Variants in SND1 observed in about 807,000 individuals in gnomAD.
The protein encoded by SND1 is staphylococcal nuclease and tudor domain containing 1, also known as staphylococcal nuclease domain-containing protein 1.
In SND1, 38 loss-of-function variants were observed where a neutral mutation model predicts 121.7. That is an observed-to-expected ratio of 0.31 (90% CI 0.24 to 0.41). SND1 has a LOEUF of 0.41. SND1 is among the 10% of genes least tolerant of loss of function. SND1 has a pLI of 1.00. For synonymous variants in SND1, 401 were observed against 447.4 expected (o/e 0.90, Z 1.31); for missense variants, 868 against 1,184.6 (o/e 0.73, Z 3.92).
At chr7:128,024,963 G>A (rs1008197611) in intron 16 of SND1, among the ~76,000 whole-genome samples, 5 of 152,264 alleles carry the variant, frequency 3.3e-5, no homozygotes, top group African/African-American at 1.2e-4. Context: ...CCAAGGCTGG[G>A]AGGAGGCCAA....
At chr7:128,083,137 T>C (rs914698889) in intron 18 of SND1, among the ~76,000 whole-genome samples, 14 of 152,220 alleles carry the variant, frequency 9.2e-5, no homozygotes, top group African/African-American at 2.7e-4. Context: ...CCTCTCACCC[T>C]GTCTCCCTTC....
intron 15 of SND1, among the ~76,000 whole-genome samples, chr7:127,952,072 G>T (rs2116856004): frequency 6.6e-6 from 1 of 152,210 alleles, no homozygotes; most frequent in East Asian, 1.9e-4. Flanking sequence ...ATTTAGTGGA[G>T]GCTTTCTCCA....
intron 11 of SND1, among the ~76,000 whole-genome samples, chr7:127,842,485 C>T (rs923504665): frequency 6.6e-6 from 1 of 152,138 alleles, no homozygotes; most frequent in African/African-American, 2.4e-5. Flanking sequence ...CGTCTAACTT[C>T]CTGTCTGCAA....
At chr7:127,686,344 T>G (rs1317427639) in intron 1 of SND1, among the ~76,000 whole-genome samples, 1 of 152,242 alleles carries the variant, frequency 6.6e-6, no homozygotes, top group Admixed American at 6.5e-5. Flanking sequence ...ATGTCTCACA[T>G]GCCTTTTTAC....
At chr7:128,075,016 G>T (rs1184117077) in intron 17 of SND1, among the ~76,000 whole-genome samples, 1 of 152,192 alleles carries the variant, frequency 6.6e-6, no homozygotes, top group Non-Finnish European at 1.5e-5. Flanking sequence ...TGCCCGGGGC[G>T]CCCCTCCCTC....
At chr7:127,869,855 T>G (rs1799547558) in intron 12 of SND1, among the ~76,000 whole-genome samples, 1 of 152,178 alleles carries the variant, frequency 6.6e-6, no homozygotes, top group Admixed American at 6.5e-5. Context: ...GTTTTCCATC[T>G]CCATAGTTTT....
chr7:128,002,080 C>A (rs957831736), intron 16 of SND1, among the ~76,000 whole-genome samples: 2 of 152,166 alleles, frequency 1.3e-5, no homozygotes, highest in African/African-American at 4.8e-5. Flanking sequence ...CAACAAAGAA[C>A]AACCCTCCCA....
In SND1 at chr7:127,686,809, G is replaced by C. The variant is rs1157393577; in HGVS notation, c.228+47G>C. On this transcript the variant is annotated intron_variant, in intron 2 of 23. Coordinates refer to ENST00000354725, the MANE Select transcript of SND1 (RefSeq NM_014390.4). ...CGTGAGCCTGTGGACCTAGGTAATA[G>C]CCCACTGTCTTCTGTCGCTGATGCC... 2.5e-6 allele frequency: 4 copies of C among 1,581,170 alleles called. No homozygotes were observed. The Admixed American group carries it at 6.8e-5, about 27-fold the overall frequency.
chr7:127,848,479 G>A (rs1799108534), intron 12 of SND1, among the ~76,000 whole-genome samples: 1 of 152,198 alleles, frequency 6.6e-6, no homozygotes, highest in Admixed American at 6.5e-5. Flanking sequence ...GTCAGTTAAG[G>A]GAAGGGTTAG....
chr7:127,781,546 T>C (rs1396743818), intron 10 of SND1, among the ~76,000 whole-genome samples: 7 of 151,690 alleles, frequency 4.6e-5, no homozygotes, highest in Non-Finnish European at 2.9e-5. Context: ...TTTGGCTCCA[T>C]AGGAGTTAAG....
At position 127,894,861 on chromosome 7, in the gene SND1, A is replaced by G. The variant is rs576290958; in HGVS notation, c.1454+6849A>G. 6.6e-5 allele frequency among the ~76,000 whole-genome samples: 10 copies of G among 150,444 alleles called. No individual in the cohort carries two copies. In the East Asian group the frequency reaches 1.4e-3, roughly 21 times the overall value. ...ATCCTGGCTTCCAGGCATGGGCGAT[A>G]ATAGCGGTGAACAAAAAAGATAATA... On this transcript the variant is annotated intron_variant, in intron 13 of 23. Coordinates refer to ENST00000354725, the MANE Select transcript of SND1 (RefSeq NM_014390.4).
intron 1 of SND1, among the ~76,000 whole-genome samples, chr7:127,664,156 T>C (rs1189738444): frequency 6.6e-6 from 1 of 152,112 alleles, no homozygotes; most frequent in Non-Finnish European, 1.5e-5. Flanking sequence ...TTGTATTTTT[T>C]GTAGAGGCGG....
intron 13 of SND1, among the ~76,000 whole-genome samples, chr7:127,890,592 G>T (rs1209833854): frequency 3.9e-5 from 6 of 152,130 alleles, no homozygotes; most frequent in South Asian, 4.1e-4. Flanking sequence ...ACTGCCACCA[G>T]TGAATATGTT....
chr7:127,680,241 C>T (rs575300464), intron 1 of SND1, among the ~76,000 whole-genome samples: 4 of 152,122 alleles, frequency 2.6e-5, no homozygotes, highest in South Asian at 2.1e-4. Flanking sequence ...GGAGGCAGGG[C>T]GAGATCACAG....
intron 14 of SND1, among the ~76,000 whole-genome samples, chr7:127,921,113 A>G (rs1305764962): frequency 6.6e-6 from 1 of 152,244 alleles, no homozygotes; most frequent in Non-Finnish European, 1.5e-5. Context: ...ATTAAGCTGT[A>G]TCACATGATT....
chr7:127,698,034 A>G (rs1266238243), intron 3 of SND1, among the ~76,000 whole-genome samples: 2 of 152,338 alleles, frequency 1.3e-5, no homozygotes, highest in East Asian at 1.9e-4. Flanking sequence ...AGCTTTTTCA[A>G]TAGCCTCGAA....
At chr7:127,923,487 T>A (rs556111566) in intron 14 of SND1, among the ~76,000 whole-genome samples, 1 of 152,288 alleles carries the variant, frequency 6.6e-6, no homozygotes, top group Admixed American at 6.5e-5. Flanking sequence ...TTGAAAGTGC[T>A]TTATGGTAAC....
At chr7:127,990,892 C>A in intron 15 of SND1, 55 bp from the exon 16 acceptor site, 1 of 1,297,072 alleles carries the variant, frequency 7.7e-7, no homozygotes, top group Non-Finnish European at 1.1e-6. Context: ...CCTTATTGGA[C>A]AGCAAGCCTA....
At chr7:127,896,199 A>G (rs978442018) in intron 13 of SND1, among the ~76,000 whole-genome samples, 1 of 151,992 alleles carries the variant, frequency 6.6e-6, no homozygotes, top group Non-Finnish European at 1.5e-5. Context: ...AGGTTCAGCT[A>G]TGACCACTTA....
Sources: gnomAD v4.1 joint callset for allele counts (sites outside exome capture counted in the v4.1 genomes callset) on GRCh38, gnomAD v4.1.1 for gene constraint, MANE v1.5 for transcripts, NCBI Gene and HGNC (gene_info 2026-07-23, HGNC 2026-07-21) for gene names.